ABCC12: variants seen among roughly 807,000 people sequenced by gnomAD.
The protein encoded by ABCC12 is ATP-binding cassette sub-family C member 12.
A neutral mutation model predicts 151.1 loss-of-function variants in ABCC12; 142 were observed. That is an observed-to-expected ratio of 0.94 (90% confidence interval 0.82 to 1.08). The LOEUF (loss-of-function observed/expected upper bound fraction) is 1.08, where lower values mean the gene tolerates loss of function less well. Ranked by LOEUF, ABCC12 falls within the 50% of genes least tolerant of loss-of-function variation. The probability of loss-of-function intolerance (pLI) is 0.00; values close to 1 mark genes in which losing one functional copy is unlikely to be tolerated. For synonymous variants in ABCC12, 645 were observed against 646.4 expected (o/e 1.00, Z 0.03); for missense variants, 1,638 against 1,691.1 (o/e 0.97, Z 0.55).
rs750712226 is a variant in ABCC12 at position 48,095,227 on chromosome 16, G to A, written c.3195+1519C>T. Among the ~76,000 whole-genome samples, 8 of 152,142 alleles carry A rather than the reference G, an allele frequency of 5.3e-5. No homozygotes were observed. The East Asian group carries it at 7.7e-4, about 15-fold the overall frequency. On this transcript the variant is annotated intron_variant, in intron 24 of 30. Transcript: ENST00000311303. The stretch of plus-strand genomic sequence containing the variant: ...TCTCATGGTGGTAAATAAGTCTCAC[G>A]AGAGCTGATGATTTTATGAGGGGTT...
At chr16:48,113,415 C>G (rs1413686845) in intron 15 of ABCC12, among the ~76,000 whole-genome samples, 1 of 152,230 alleles carries the variant, frequency 6.6e-6, no homozygotes, top group Non-Finnish European at 1.5e-5. Context: ...CCCCTCTGGT[C>G]AGCAAGCCCC....
chr16:48,137,633 T>G (rs1378906168), intron 8 of ABCC12, among the ~76,000 whole-genome samples: 1 of 152,256 alleles, frequency 6.6e-6, no homozygotes, highest in Admixed American at 6.5e-5. Flanking sequence ...CAGTCAATTG[T>G]AACAGTGGTT....
chr16:48,133,862 G>A, intron 8 of ABCC12, 27 bp from the exon 9 acceptor site: 2 of 1,612,160 alleles, frequency 1.2e-6, no homozygotes, highest in South Asian at 1.1e-5. Context: ...AGTCCAAGGT[G>A]GTCTCATTTT....
At position 48,119,637 on chromosome 16, in the gene ABCC12, C is replaced by G. The variant is rs1299356662; in HGVS notation, c.1712+2079G>C. Among the ~76,000 whole-genome samples, 3 of 152,222 alleles carry G rather than the reference C, an allele frequency of 2.0e-5. No homozygotes were observed. In the East Asian group the frequency reaches 5.8e-4, roughly 29 times the overall value. ...GAAGAGGAGGTGAATTGACAAGCCT[C>G]TTGATGAGAACATACATGCTGCCAT... is the stretch of plus-strand genomic sequence containing the variant. On this transcript the variant is annotated intron_variant, in intron 13 of 30. Transcript: ENST00000311303.
At chr16:48,150,820 A>C (rs957369241) in intron 2 of ABCC12, among the ~76,000 whole-genome samples, 1 of 152,194 alleles carries the variant, frequency 6.6e-6, no homozygotes, top group African/African-American at 2.4e-5. Context: ...GTAACCGTCC[A>C]TATCTATTTT....
chr16:48,113,637 T>C (rs1277586023), intron 15 of ABCC12, among the ~76,000 whole-genome samples: 1 of 152,180 alleles, frequency 6.6e-6, no homozygotes, highest in African/African-American at 2.4e-5. Context: ...CTAAGTTCCA[T>C]TCTCCCTGAC....
At chr16:48,127,219 G>A (rs375681793) in intron 11 of ABCC12, among the ~76,000 whole-genome samples, 107 of 152,046 alleles carry the variant, frequency 7.0e-4, no homozygotes, top group South Asian at 1.9e-3. Flanking sequence ...GAAAGAGTGA[G>A]TCAACAGGAT....
At chr16:48,092,809 G>T (rs1468304952) in intron 24 of ABCC12, among the ~76,000 whole-genome samples, 4 of 152,122 alleles carry the variant, frequency 2.6e-5, no homozygotes, top group African/African-American at 7.2e-5. Context: ...GTTTCCAGAG[G>T]ACTGTGCGAG....
chr16:48,093,215 T>C (rs1962974756), intron 24 of ABCC12, among the ~76,000 whole-genome samples: 1 of 152,108 alleles, frequency 6.6e-6, no homozygotes, highest in Non-Finnish European at 1.5e-5. Context: ...AGTGCCATGG[T>C]TGAGAAACCC....
intron 5 of ABCC12, 23 bp downstream of exon 5, chr16:48,141,183 G>GGA: frequency 6.2e-7 from 1 of 1,610,560 alleles, no homozygotes; most frequent in African/African-American, 1.3e-5. Flanking sequence ...TAGCAGATGA[G>GGA]GAGGAAGGGC....
At position 48,121,738 on chromosome 16, in the gene ABCC12, C is replaced by T; in HGVS notation, c.1690G>A (p.Gly564Arg). The T allele has an allele frequency of 6.2e-7, 1 of 1,614,134 alleles. No individual in the cohort carries two copies. The highest frequency in any genetic ancestry group is 2.2e-5 in the East Asian group (1 of 44,884). Residue 564 changes from glycine to arginine, a missense_variant, in exon 13 of 31, where the codon GGA becomes AGA. Physicochemically the swap from Gly to Arg is moderately radical, Grantham distance 125. Transcript: ENST00000311303. ...TACCTTTGGTGATCATACTTTTCTC[C>T]AAAGAGTATGTTTTCTCTCACATTT... ...HGNVRENILF[G>R]EKYDHQRYQH... is the part of the protein sequence containing the mutation.
chr16:48,136,230 C>G (rs1964604281), intron 8 of ABCC12, among the ~76,000 whole-genome samples: 2 of 152,118 alleles, frequency 1.3e-5, no homozygotes, highest in African/African-American at 2.4e-5. Flanking sequence ...ACCCCCTAGT[C>G]CCCAAGAGCA....
chr16:48,101,350 G>A (rs1437526744), intron 22 of ABCC12, among the ~76,000 whole-genome samples: 1 of 152,088 alleles, frequency 6.6e-6, no homozygotes, highest in East Asian at 1.9e-4. Flanking sequence ...ACCACTTTTT[G>A]GTGCCCAGCC....
chr16:48,087,814 C>G (rs547968313), intron 27 of ABCC12, 112 bp downstream of exon 27: 1 of 1,201,180 alleles, frequency 8.3e-7, no homozygotes, highest in Non-Finnish European at 1.2e-6. Flanking sequence ...ATACTGCTTC[C>G]CTCAGACAGA....
rs188952443 is a variant in ABCC12, at chr16:48,113,921, T to C, written c.1989+1494A>G. Among the ~76,000 whole-genome samples the C allele has an allele frequency of 7.5e-4, 114 of 152,238 alleles. 2 individuals are homozygous for C. The highest frequency in any genetic ancestry group is 1.6e-3 in the African/African-American group (68 of 41,548). ...ATCCCCCTCCAGATCCCCAGAGCCC[T>C]TGGAGGACAGCCCTCCCTGCTGCAG... is the stretch of plus-strand genomic sequence containing the variant. On this transcript the variant is annotated intron_variant, in intron 15 of 30. Transcript: ENST00000311303.
Position 48,138,369 on chromosome 16 carries a change from T to C in ABCC12, c.838A>G (p.Met280Val), listed in dbSNP as rs779493296. The change falls in exon 8 of 31, where the codon ATG becomes GTG. Residue 280 changes from methionine (M) to valine (V), a missense_variant. By Grantham distance (21) the Met-to-Val change is conservative. Coordinates refer to ENST00000311303, the MANE Select transcript of ABCC12 (RefSeq NM_001393797.1). Reference protein sequence around the residue: ...YVIFIPVQMFMAKLNSAFRRS... With the variant: ...YVIFIPVQMFVAKLNSAFRRS... ...CGGAAAGCTGAATTGAGCTTGGCCA[T>C]AAACATCTGAAATCAAGGTACAAAC... is the stretch of plus-strand genomic sequence containing the variant. 1.1e-5 allele frequency: 17 copies of C among 1,612,098 alleles called. No homozygotes were observed. Among genetic ancestry groups the C allele is most frequent in the South Asian group, 5.5e-5 (5 of 90,820 alleles).
In ABCC12 at chr16:48,128,751, GAC is replaced by G; in HGVS notation, c.1237-16_1237-15del. 1 of 1,608,258 alleles carries G rather than the reference GAC, an allele frequency of 6.2e-7. No individual in the cohort carries two copies. Among genetic ancestry groups the G allele is most frequent in the East Asian group, 2.2e-5 (1 of 44,848 alleles). ...TATGAGAATTTTCTAAGATTAAAGA[GAC>G]AAAATTAACTGAGCAGATGTCATCC... On this transcript the variant is annotated splice_polypyrimidine_tract_variant and intron_variant, in intron 10 of 30. Transcript: ENST00000311303.
intron 23 of ABCC12, among the ~76,000 whole-genome samples, chr16:48,100,397 C>G (rs1409243495): frequency 1.3e-5 from 2 of 152,088 alleles, no homozygotes; most frequent in African/African-American, 4.8e-5. Flanking sequence ...ATTATTTTTA[C>G]AAGACTCGTG....
At chr16:48,138,700 C>T (rs1964696269) in intron 7 of ABCC12, among the ~76,000 whole-genome samples, 1 of 152,134 alleles carries the variant, frequency 6.6e-6, no homozygotes. Flanking sequence ...GGTGCAGTGG[C>T]TTGCACCTGT....
Sources: gnomAD v4.1 joint callset for allele counts (sites outside exome capture counted in the v4.1 genomes callset) on GRCh38, gnomAD v4.1.1 for gene constraint, MANE v1.5 for transcripts, NCBI Gene and HGNC (gene_info 2026-07-23, HGNC 2026-07-21) for gene names.